Variants in MTUS2 observed in about 807,000 individuals in gnomAD.
MTUS2 encodes the protein microtubule-associated tumor suppressor candidate 2.
MTUS2 carries 40 observed loss-of-function variants against 114.1 expected under a neutral mutation model. The ratio of observed to expected loss-of-function variants is 0.35; its 90% CI spans 0.27 to 0.46. The LOEUF is 0.46. MTUS2 is among the 20% of genes least tolerant of loss of function. MTUS2 has a pLI of 1.00. For synonymous variants in MTUS2, 688 were observed against 672.0 expected (o/e 1.02, Z -0.37); for missense variants, 1,679 against 1,705.4 (o/e 0.98, Z 0.27).
chr13:29,470,424 A>G (rs1237451595), intron 9 of MTUS2, among the ~76,000 whole-genome samples: 2 of 152,206 alleles, frequency 1.3e-5, no homozygotes, highest in African/African-American at 4.8e-5. Flanking sequence ...CATCCCATCC[A>G]TAAGCAAGTC....
In MTUS2 at chr13:29,025,183, A is replaced by G; in HGVS notation, c.485A>G (p.Lys162Arg). ...AEIPRHVPKD[K>R]LAKTLDNEEL... ...ATTCCCCGGCATGTTCCCAAGGATAAACTGGCAAAGACCCTTGACAATGAG... is the reference window on the plus strand; with the variant it reads ...ATTCCCCGGCATGTTCCCAAGGATAGACTGGCAAAGACCCTTGACAATGAG... Residue 162 changes from lysine to arginine, a missense_variant, in exon 3 of 16, where the codon AAA becomes AGA. Lys to Arg is a conservative substitution (Grantham distance 26). Around this residue, in one of 3 missense-constraint regions of MTUS2, gnomAD observed 843 missense variants for 770.8 expected, o/e 1.09. Coordinates refer to ENST00000612955, the MANE Select transcript of MTUS2 (RefSeq NM_001033602.4). 6.2e-7 allele frequency: 1 copy of G among 1,613,966 alleles called. No individual in the cohort carries two copies. Among genetic ancestry groups the G allele is most frequent in the Non-Finnish European group, 8.5e-7 (1 of 1,179,892 alleles).
chr13:28,937,616 C>T (rs1319709301), intron 2 of MTUS2, among the ~76,000 whole-genome samples: 1 of 152,214 alleles, frequency 6.6e-6, no homozygotes, highest in African/African-American at 2.4e-5. Context: ...CACAGTTTCA[C>T]ACCGCCTGAT....
At chr13:29,304,533 A>C (rs1471500263) in intron 6 of MTUS2, among the ~76,000 whole-genome samples, 1 of 152,174 alleles carries the variant, frequency 6.6e-6, no homozygotes, top group Non-Finnish European at 1.5e-5. Context: ...AAAGATAAAA[A>C]AAGATGAAGG....
rs1227785588 is a variant in MTUS2 at position 29,389,661 on chromosome 13, G to GTATATGTATATATACA, written c.3117+30198_3117+30213dup. ...TATGTGTATGTATATACGTATATAT[G>GTATATGTATATATACA]TATATGTATATATACATATATGTAT... On this transcript the variant is annotated intron_variant, in intron 8 of 15. Transcript: ENST00000612955. 1.5e-3 allele frequency among the ~76,000 whole-genome samples: 211 copies of GTATATGTATATATACA among 142,470 alleles called. 18 individuals carry two copies. Among genetic ancestry groups the GTATATGTATATATACA allele is most frequent in the African/African-American group, 5.2e-3 (192 of 37,002 alleles). The allele number at this position is 142,470 out of a possible 152,430, so 93.5% of individuals were successfully genotyped here. A position where few individuals can be genotyped will look rare whatever the true frequency, so the allele number is the denominator to read the frequency against.
intron 2 of MTUS2, among the ~76,000 whole-genome samples, chr13:28,923,045 CTA>C (rs1486325212): frequency 5.9e-5 from 9 of 152,072 alleles, no homozygotes; most frequent in African/African-American, 1.9e-4. Flanking sequence ...TATCTTTTCT[CTA>C]TTGTTAAAAT....
intron 8 of MTUS2, among the ~76,000 whole-genome samples, chr13:29,424,281 A>G (rs1490559185): frequency 6.6e-6 from 1 of 152,206 alleles, no homozygotes; most frequent in African/African-American, 2.4e-5. Flanking sequence ...CACTGATTTG[A>G]TTACTACATA....
intron 8 of MTUS2, among the ~76,000 whole-genome samples, chr13:29,404,931 T>C (rs1874637553): frequency 6.6e-6 from 1 of 152,222 alleles, no homozygotes; most frequent in African/African-American, 2.4e-5. Flanking sequence ...CTCACATCAC[T>C]GTAAAAGAGA....
At chr13:29,058,031 T>A (rs999094837) in intron 4 of MTUS2, among the ~76,000 whole-genome samples, 1 of 152,170 alleles carries the variant, frequency 6.6e-6, no homozygotes, top group Non-Finnish European at 1.5e-5. Flanking sequence ...ATTTTATTTC[T>A]TCTTTTCTTA....
At chr13:28,905,921 A>G (rs1386853278) in intron 2 of MTUS2, among the ~76,000 whole-genome samples, 2 of 151,562 alleles carry the variant, frequency 1.3e-5, no homozygotes, top group Non-Finnish European at 2.9e-5. Flanking sequence ...GATTATTGCC[A>G]CAATTTCAGA....
intron 7 of MTUS2, among the ~76,000 whole-genome samples, chr13:29,338,901 C>T (rs113185819): frequency 0.075 from 11,413 of 152,180 alleles, 1,365 homozygotes; most frequent in African/African-American, 0.25. Flanking sequence ...ACGGTCTCTT[C>T]AGTGTGGGCT....
chr13:28,853,382 G>A (rs535610213), intron 2 of MTUS2, among the ~76,000 whole-genome samples: 1 of 152,166 alleles, frequency 6.6e-6, no homozygotes, highest in Non-Finnish European at 1.5e-5. Context: ...GGCAGTGGCC[G>A]GAGTGGATGC....
intron 2 of MTUS2, among the ~76,000 whole-genome samples, chr13:28,955,757 C>T (rs190498408): frequency 6.6e-6 from 1 of 151,944 alleles, no homozygotes; most frequent in Non-Finnish European, 1.5e-5. Flanking sequence ...AATTCCAGCA[C>T]CCACTTGACC....
At chr13:28,839,397 G>A (rs1875320577) in intron 1 of MTUS2, among the ~76,000 whole-genome samples, 1 of 152,016 alleles carries the variant, frequency 6.6e-6, no homozygotes, top group Non-Finnish European at 1.5e-5. Context: ...ATATATCAGA[G>A]GTATTCTTCC....
intron 5 of MTUS2, among the ~76,000 whole-genome samples, chr13:29,196,372 C>A (rs561377010): frequency 6.6e-6 from 1 of 152,050 alleles, no homozygotes; most frequent in Non-Finnish European, 1.5e-5. Context: ...GAAAAATGTG[C>A]AGACCTACAT....
chr13:28,841,751 A>G (rs548531790), intron 2 of MTUS2, among the ~76,000 whole-genome samples: 48 of 151,176 alleles, frequency 3.2e-4, no homozygotes, highest in African/African-American at 1.1e-3. Context: ...CAGCGGCGTG[A>G]TCTCCGCTCA....
intron 2 of MTUS2, among the ~76,000 whole-genome samples, chr13:28,910,186 C>G (rs1880322655): frequency 6.6e-6 from 1 of 152,112 alleles, no homozygotes; most frequent in Admixed American, 6.6e-5. Context: ...ACCCGTTACC[C>G]TTCCCAGCCT....
At chr13:28,855,921 C>T (rs921345698) in intron 2 of MTUS2, among the ~76,000 whole-genome samples, 9 of 152,182 alleles carry the variant, frequency 5.9e-5, no homozygotes, top group Admixed American at 2.6e-4. Flanking sequence ...TTCTCCACAG[C>T]CCTGCCAGTA....
intron 2 of MTUS2, among the ~76,000 whole-genome samples, chr13:28,907,484 C>T (rs970710451): frequency 1.3e-5 from 2 of 151,538 alleles, no homozygotes; most frequent in Non-Finnish European, 2.9e-5. Context: ...CAAGACCCAT[C>T]AGTGTGCTGT....
At chr13:29,103,146 G>A (rs1430605862) in intron 5 of MTUS2, among the ~76,000 whole-genome samples, 2 of 152,182 alleles carry the variant, frequency 1.3e-5, no homozygotes, top group African/African-American at 4.8e-5. Context: ...TAGGGATTAT[G>A]TCATGCAGAG....
Sources: gnomAD v4.1 joint callset for allele counts (sites outside exome capture counted in the v4.1 genomes callset) on GRCh38, gnomAD v4.1.1 for gene constraint, gnomAD v4.1.1 regional missense constraint, MANE v1.5 for transcripts, NCBI Gene and HGNC (gene_info 2026-07-23, HGNC 2026-07-21) for gene names.